The following KLRG1 variants were observed in gnomAD, a reference collection of about 807,000 sequenced individuals.
KLRG1 encodes killer cell lectin-like receptor subfamily G member 1.
KLRG1 carries 16 observed loss-of-function variants against 21.8 expected under a neutral mutation model. That is an observed-to-expected ratio of 0.73 (90% CI 0.50 to 1.11). The LOEUF (loss-of-function observed/expected upper bound fraction) is 1.11. KLRG1 is among the 50% of genes most tolerant of loss of function. KLRG1 has a pLI of 0.00. For missense variants in KLRG1, 173 were observed against 218.3 expected, an observed-to-expected ratio of 0.79 and a Z score of 1.31; for synonymous variants, 69 against 75.9, an observed-to-expected ratio of 0.91 and a Z score of 0.47.
chr12:9,052,521 C>T, the KLRG1 span, among the ~76,000 whole-genome samples: 1 of 152,140 alleles, frequency 6.6e-6, no homozygotes, highest in African/African-American at 2.4e-5. Context: ...TTTTCTTTGC[C>T]CCATTTTTCT....
chr12:9,093,342 T>C, the KLRG1 span: 1 of 667,020 alleles, frequency 1.5e-6, no homozygotes, highest in Non-Finnish European at 2.7e-6. Flanking sequence ...TATATATATA[T>C]ATCAAAACAT....
the KLRG1 span, among the ~76,000 whole-genome samples, chr12:9,132,848 A>G: frequency 6.6e-5 from 10 of 152,204 alleles, no homozygotes; most frequent in Admixed American, 1.3e-4. Flanking sequence ...TTTCCACCTG[A>G]TTAATGATTA....
At chr12:8,993,159 A>T (rs1947027631) in intron 2 of KLRG1, among the ~76,000 whole-genome samples, 2 of 148,192 alleles carry the variant, frequency 1.3e-5, no homozygotes, top group African/African-American at 2.5e-5. Context: ...TTCTTCTAGG[A>T]CCTTAAATCT....
chr12:9,103,787 C>T, the KLRG1 span, among the ~76,000 whole-genome samples: 1 of 152,130 alleles, frequency 6.6e-6, no homozygotes, highest in Non-Finnish European at 1.5e-5. Context: ...TATTTATATA[C>T]CACATTTTGT....
the KLRG1 span, chr12:9,074,439 CTT>C: frequency 1.0e-6 from 1 of 992,570 alleles, no homozygotes; most frequent in Non-Finnish European, 1.5e-6. Flanking sequence ...ATACTGAAAA[CTT>C]TTCCTCATTT....
the KLRG1 span, chr12:9,028,153 T>TC: frequency 7.7e-4 from 446 of 581,864 alleles, 1 homozygote; most frequent in African/African-American, 7.0e-3. Flanking sequence ...CTTCTTCTTT[T>TC]TTTTTTTTTT....
At chr12:9,127,678 C>G in the KLRG1 span, 1 of 156,202 alleles carries the variant, frequency 6.4e-6, no homozygotes, top group Admixed American at 6.5e-5. Flanking sequence ...CACTTTGTGC[C>G]CTCATCCTCC....
the KLRG1 span, chr12:9,106,436 G>A: frequency 5.6e-6 from 8 of 1,431,402 alleles, no homozygotes; most frequent in South Asian, 1.2e-5. Context: ...TCATTATTTG[G>A]CTAAGAAAAT....
At chr12:9,199,522 A>G in the KLRG1 span, among the ~76,000 whole-genome samples, 1 of 152,200 alleles carries the variant, frequency 6.6e-6, no homozygotes, top group South Asian at 2.1e-4. Context: ...TAAAACATTC[A>G]ATGTATCCTC....
the KLRG1 span, chr12:9,089,093 C>A: frequency 1.1e-6 from 1 of 874,650 alleles, no homozygotes; most frequent in Non-Finnish European, 1.8e-6. Flanking sequence ...ATTGATGGTG[C>A]TTCAGGTCTT....
At chr12:9,014,150 T>C (rs1404581276), downstream of KLRG1, among the ~76,000 whole-genome samples, 1 of 152,170 alleles carries the variant, frequency 6.6e-6, no homozygotes, top group African/African-American at 2.4e-5. Context: ...CTAATTGTTT[T>C]GACCTTAAAG....
chr12:8,973,111 A>G (rs1339738543), intron 1 of KLRG1, among the ~76,000 whole-genome samples: 4 of 144,672 alleles, frequency 2.8e-5, no homozygotes, highest in Non-Finnish European at 6.0e-5. Context: ...GTGAGCTGAG[A>G]TCGTGCCATT....
chr12:9,103,134 G>A, the KLRG1 span, among the ~76,000 whole-genome samples: 1 of 152,104 alleles, frequency 6.6e-6, no homozygotes, highest in Non-Finnish European at 1.5e-5. Flanking sequence ...AATTTTTGGA[G>A]TATATATATT....
chr12:9,106,261 C>T, the KLRG1 span: 7,277 of 1,611,286 alleles, frequency 4.5e-3, 390 homozygotes, highest in Admixed American at 0.11. Context: ...AATTCCCTGT[C>T]GAAAGTGTGA....
the KLRG1 span, among the ~76,000 whole-genome samples, chr12:9,025,627 A>C: frequency 6.6e-6 from 1 of 152,206 alleles, no homozygotes; most frequent in South Asian, 2.1e-4. Flanking sequence ...ACAGAGTGAG[A>C]CTTCATCTCA....
the KLRG1 span, among the ~76,000 whole-genome samples, chr12:9,100,800 T>G: frequency 2.0e-5 from 3 of 152,200 alleles, no homozygotes; most frequent in African/African-American, 4.8e-5. Context: ...AAGTAGGAGC[T>G]AAGCTATTAG....
At chr12:9,185,814 C>CTTT in the KLRG1 span, among the ~76,000 whole-genome samples, 1 of 147,234 alleles carries the variant, frequency 6.8e-6, no homozygotes, top group Admixed American at 6.8e-5. Context: ...CTTTTCTTTT[C>CTTT]TTTTTTTTTT....
chr12:9,168,624 A>G, the KLRG1 span: 7 of 386,636 alleles, frequency 1.8e-5, no homozygotes, highest in Middle Eastern at 6.8e-4. Flanking sequence ...CCTCTCTTAC[A>G]GTACATCAGA....
At chr12:9,151,656 G>A in the KLRG1 span, 1 of 1,613,784 alleles carries the variant, frequency 6.2e-7, no homozygotes. Context: ...CCGGCTCACA[G>A]AGCTAGATCT....
Sources: allele counts gnomAD v4.1 joint callset (sites outside exome capture counted in the v4.1 genomes callset), GRCh38; gene constraint gnomAD v4.1.1; transcripts MANE v1.5; gene names NCBI Gene and HGNC (gene_info 2026-07-23, HGNC 2026-07-21).